The following CFAP54 variants were observed in gnomAD, a reference collection of about 807,000 sequenced individuals.
CFAP54 encodes cilia and flagella associated protein 54, also known as cilia- and flagella-associated protein 54.
In CFAP54, 290 loss-of-function variants were observed where a neutral mutation model predicts 370.4. The ratio of observed to expected loss-of-function variants is 0.78; its 90% CI spans 0.71 to 0.86. The LOEUF is 0.86. CFAP54 is among the 40% of genes least tolerant of loss of function. The pLI is 0.00. For synonymous variants in CFAP54, 1,206 were observed against 1,236.5 expected (o/e 0.98, Z 0.52); for missense variants, 3,399 against 3,528.7 (o/e 0.96, Z 0.93).
intron 22 of CFAP54, among the ~76,000 whole-genome samples, chr12:96,585,909 G>A (rs868675850): frequency 2.0e-5 from 3 of 152,230 alleles, no homozygotes; most frequent in Middle Eastern, 3.4e-3. Flanking sequence ...CCTGCTGTAT[G>A]GAGTGTCATC....
chr12:96,853,751 G>A (rs1159561712), intron 66 of CFAP54, among the ~76,000 whole-genome samples: 1 of 152,062 alleles, frequency 6.6e-6, no homozygotes, highest in African/African-American at 2.4e-5. Context: ...GGTAGTTTGT[G>A]TTCTCCTGAG....
intron 36 of CFAP54, among the ~76,000 whole-genome samples, chr12:96,653,809 TAA>T (rs969825345): frequency 6.8e-6 from 1 of 147,438 alleles, no homozygotes; most frequent in South Asian, 2.2e-4. Flanking sequence ...GCAAAAACAA[TAA>T]AGTCAAAATT....
At chr12:96,529,481 A>G (rs570847623) in intron 9 of CFAP54, among the ~76,000 whole-genome samples, 8 of 151,264 alleles carry the variant, frequency 5.3e-5, no homozygotes, top group Middle Eastern at 3.4e-3. Context: ...TCAACATTTT[A>G]TCAGGGTTCC....
At position 96,546,401 on chromosome 12, in the gene CFAP54, ATTTG is replaced by A. The variant is rs552038230; in HGVS notation, c.2078-1481_2078-1478del. On this transcript the variant is annotated intron_variant, in intron 14 of 67. Transcript: ENST00000524981. The stretch of plus-strand genomic sequence containing the variant: ...TTCCTTCCCAAGATCCTGGCCATGT[ATTTG>A]TTTGTTTGTTTGTTTGTTTATTTAT... Among the ~76,000 whole-genome samples the A allele has an allele frequency of 3.2e-3, 490 of 151,798 alleles. 5 individuals carry two copies. Among genetic ancestry groups the A allele is most frequent in the African/African-American group, 9.9e-3 (409 of 41,242 alleles).
At chr12:96,788,209 C>A (rs1338410388) in intron 62 of CFAP54, among the ~76,000 whole-genome samples, 1 of 152,144 alleles carries the variant, frequency 6.6e-6, no homozygotes, top group African/African-American at 2.4e-5. Context: ...GAGGAAATGA[C>A]TAGAGCCTCT....
chr12:96,839,361 T>A (rs1959197366), intron 66 of CFAP54, among the ~76,000 whole-genome samples: 1 of 152,188 alleles, frequency 6.6e-6, no homozygotes, highest in Non-Finnish European at 1.5e-5. Context: ...TTAAGAGCTA[T>A]CCGATTTCAC....
intron 3 of CFAP54, among the ~76,000 whole-genome samples, chr12:96,504,345 A>G (rs1286468192): frequency 6.6e-6 from 1 of 152,244 alleles, no homozygotes; most frequent in Non-Finnish European, 1.5e-5. Flanking sequence ...TGAGTTACAT[A>G]CTATTATCCC....
intron 26 of CFAP54, among the ~76,000 whole-genome samples, chr12:96,620,980 G>A (rs1956480646): frequency 6.6e-6 from 1 of 152,212 alleles, no homozygotes; most frequent in East Asian, 1.9e-4. Flanking sequence ...GTAGGTAAGG[G>A]CCAGAATAGA....
intron 45 of CFAP54, among the ~76,000 whole-genome samples, chr12:96,697,767 CT>C (rs1214060071): frequency 1.3e-5 from 2 of 152,168 alleles, no homozygotes; most frequent in Non-Finnish European, 2.9e-5. Context: ...TACAAAGTCA[CT>C]AGATAGCTTT....
At chr12:96,619,882 T>G (rs192259458) in intron 26 of CFAP54, among the ~76,000 whole-genome samples, 1 of 152,320 alleles carries the variant, frequency 6.6e-6, no homozygotes, top group African/African-American at 2.4e-5. Flanking sequence ...CATTCAAGGT[T>G]TTGCATGACC....
intron 67 of CFAP54, among the ~76,000 whole-genome samples, chr12:96,869,658 G>A (rs865873575): frequency 2.6e-5 from 4 of 152,172 alleles, no homozygotes; most frequent in Admixed American, 1.3e-4. Context: ...ATTATGGGCC[G>A]GGTGCAGTGG....
At chr12:96,663,983 C>A in intron 39 of CFAP54, 51 bp downstream of exon 39, 1 of 1,340,144 alleles carries the variant, frequency 7.5e-7, no homozygotes, top group Non-Finnish European at 1.1e-6. Context: ...TCGAGGTTTG[C>A]CATTGTGTTC....
intron 60 of CFAP54, among the ~76,000 whole-genome samples, chr12:96,777,580 C>T (rs1958531147): frequency 6.6e-6 from 1 of 152,122 alleles, no homozygotes; most frequent in Admixed American, 6.5e-5. Flanking sequence ...AACTCCTGAT[C>T]TCAGGAGATC....
At chr12:96,693,675 G>C in intron 44 of CFAP54, 47 bp from the exon 45 acceptor site, 1 of 1,247,072 alleles carries the variant, frequency 8.0e-7, no homozygotes, top group Non-Finnish European at 1.1e-6. Flanking sequence ...TAGGTTATTA[G>C]TTTGATAAAA....
intron 50 of CFAP54, among the ~76,000 whole-genome samples, chr12:96,738,142 G>T (rs1958003235): frequency 6.6e-6 from 1 of 152,124 alleles, no homozygotes; most frequent in Non-Finnish European, 1.5e-5. Flanking sequence ...GAGGAGATGA[G>T]GAGCCCTATT....
intron 1 of CFAP54, among the ~76,000 whole-genome samples, chr12:96,492,710 T>C (rs188407086): frequency 1.3e-5 from 2 of 152,314 alleles, no homozygotes; most frequent in Admixed American, 6.5e-5. Context: ...TTATTATCCT[T>C]GGCCTGGTGC....
chr12:96,682,108 ATTGAT>A, intron 40 of CFAP54: 1 of 927,814 alleles, frequency 1.1e-6, no homozygotes, highest in Non-Finnish European at 1.3e-6. Flanking sequence ...TACATTTTAA[ATTGAT>A]TTATTATTAT....
intron 26 of CFAP54, among the ~76,000 whole-genome samples, chr12:96,616,556 T>G (rs1956420679): frequency 6.6e-6 from 1 of 152,108 alleles, no homozygotes; most frequent in Admixed American, 6.6e-5. Context: ...ACATGATGAT[T>G]AAAACATTTT....
intron 56 of CFAP54, among the ~76,000 whole-genome samples, chr12:96,755,666 C>CTTTTTTTTTTTTTTTTTTTTTTTT (rs71758359): frequency 1.1e-5 from 1 of 88,042 alleles, no homozygotes; most frequent in East Asian, 4.1e-4. Context: ...TTCTTTTTTC[C>CTTTTTTTTTTTTTTTTTTTTTTTT]TTTTTTTTTT....
Sources: gnomAD v4.1 joint callset for allele counts (sites outside exome capture counted in the v4.1 genomes callset) on GRCh38, gnomAD v4.1.1 for gene constraint, MANE v1.5 for transcripts, NCBI Gene and HGNC (gene_info 2026-07-23, HGNC 2026-07-21) for gene names.